The following NRG2 variants were observed in gnomAD, a reference collection of about 807,000 sequenced individuals.
NRG2 encodes the protein neuregulin 2.
Under a neutral mutation model 73.9 loss-of-function variants are expected in NRG2, and 27 were observed. The ratio of observed to expected loss-of-function variants is 0.37; its 90% confidence interval spans 0.27 to 0.50. The LOEUF (loss-of-function observed/expected upper bound fraction) is 0.50, where lower values mean the gene tolerates loss of function less well. Among genes scored for constraint, NRG2 ranks in the 20% least tolerant of loss-of-function variants. NRG2 has a pLI of 0.96. For missense variants in NRG2, 1,126 were observed against 1,210.1 expected, an observed-to-expected ratio of 0.93 and a Z score of 1.03; for synonymous variants, 532 against 541.0, an observed-to-expected ratio of 0.98 and a Z score of 0.23.
At chr5:139,948,837 T>C (rs1753985514) in intron 1 of NRG2, among the ~76,000 whole-genome samples, 1 of 152,274 alleles carries the variant, frequency 6.6e-6, no homozygotes, top group African/African-American at 2.4e-5. Flanking sequence ...TGGTAGAATC[T>C]GAGAAGTGTT....
chr5:139,878,462 C>T (rs1763322376), intron 3 of NRG2, among the ~76,000 whole-genome samples: 1 of 152,170 alleles, frequency 6.6e-6, no homozygotes, highest in Non-Finnish European at 1.5e-5. Context: ...CTTCCCACCC[C>T]ACTCCCCAAA....
intron 1 of NRG2, among the ~76,000 whole-genome samples, chr5:140,030,389 T>C (rs781107791): frequency 5.3e-5 from 8 of 152,152 alleles, no homozygotes; most frequent in Non-Finnish European, 1.2e-4. Context: ...TTTACCTCTG[T>C]ACGACAAGCT....
chr5:139,857,689 G>A (rs1057452574), intron 5 of NRG2, among the ~76,000 whole-genome samples: 2 of 151,950 alleles, frequency 1.3e-5, no homozygotes, highest in African/African-American at 2.4e-5. Flanking sequence ...CAAGGGCCAC[G>A]ACCAAAGAGA....
At chr5:139,933,504 G>A (rs966198481) in intron 1 of NRG2, among the ~76,000 whole-genome samples, 1 of 152,104 alleles carries the variant, frequency 6.6e-6, no homozygotes, top group Non-Finnish European at 1.5e-5. Context: ...TAGAATCAAA[G>A]AAATTTAATA....
At chr5:140,006,069 GCA>G (rs1381379192) in intron 1 of NRG2, among the ~76,000 whole-genome samples, 5 of 152,184 alleles carry the variant, frequency 3.3e-5, no homozygotes, top group Non-Finnish European at 7.4e-5. Context: ...CATTCCTGGG[GCA>G]AAAGAAAGCA....
intron 1 of NRG2, among the ~76,000 whole-genome samples, chr5:139,964,713 T>C (rs1351446729): frequency 6.6e-6 from 1 of 152,206 alleles, no homozygotes; most frequent in Non-Finnish European, 1.5e-5. Flanking sequence ...GGGCCTCTAC[T>C]TCTTGGCTTC....
chr5:140,009,072 C>T (rs1232071385), intron 1 of NRG2, among the ~76,000 whole-genome samples: 2 of 152,236 alleles, frequency 1.3e-5, no homozygotes, highest in Non-Finnish European at 2.9e-5. Flanking sequence ...TGATCCTATG[C>T]TTTCCCTAAA....
intron 1 of NRG2, among the ~76,000 whole-genome samples, chr5:139,906,344 C>T (rs748190849): frequency 6.6e-6 from 1 of 152,054 alleles, no homozygotes; most frequent in Non-Finnish European, 1.5e-5. Context: ...GATCACTTCA[C>T]TCATTGTAAC....
At chr5:139,949,822 A>C (rs1754060261) in intron 1 of NRG2, among the ~76,000 whole-genome samples, 1 of 152,210 alleles carries the variant, frequency 6.6e-6, no homozygotes, top group African/African-American at 2.4e-5. Context: ...CCCCTAGACA[A>C]GTCCTGCTCA....
chr5:139,981,571 C>T (rs1017978916), intron 1 of NRG2, among the ~76,000 whole-genome samples: 3 of 152,220 alleles, frequency 2.0e-5, no homozygotes, highest in Non-Finnish European at 2.9e-5. Flanking sequence ...GGCTGAGGCT[C>T]TGGTTCTATC....
chr5:139,972,213 G>T (rs913036546), intron 1 of NRG2, among the ~76,000 whole-genome samples: 3 of 152,074 alleles, frequency 2.0e-5, no homozygotes, highest in Non-Finnish European at 4.4e-5. Flanking sequence ...GGAATAACAA[G>T]TTAACTAAAA....
chr5:139,992,509 C>T (rs1195787114), intron 1 of NRG2, among the ~76,000 whole-genome samples: 1 of 152,010 alleles, frequency 6.6e-6, no homozygotes, highest in East Asian at 1.9e-4. Context: ...ATAGGGGGAC[C>T]TTTGTTTCAT....
intron 1 of NRG2, among the ~76,000 whole-genome samples, chr5:140,006,771 C>T (rs1758935913): frequency 6.6e-6 from 1 of 152,044 alleles, no homozygotes; most frequent in African/African-American, 2.4e-5. Flanking sequence ...GCCAACAGAT[C>T]CTTTAAATTT....
At position 139,848,018 on chromosome 5, in the gene NRG2, T is replaced by C. The variant is rs750618245; in HGVS notation, c.2452A>G (p.Ser818Gly). ...DSPPLCPAAD[S>G]RTYYSLDSHS... ...CTGTCCAGTGAGTAGTAAGTCCTGC[T>C]GTCGGCCGCCGGGCACAGTGGCGGC... The change falls in exon 10 of 10, where the codon AGC becomes GGC. Residue 818 changes from serine to glycine, a missense_variant. Physicochemically the swap from Ser to Gly is moderately conservative, Grantham distance 56 (BLOSUM62 0). Around this residue, in one of 3 missense-constraint regions of NRG2, gnomAD observed 402 missense variants for 357.8 expected, o/e 1.12. Coordinates refer to ENST00000361474, the MANE Select transcript of NRG2 (RefSeq NM_004883.3). 9 of 1,512,160 alleles carry C rather than the reference T, an allele frequency of 6.0e-6. 1 individual carries two copies. The South Asian group carries it at 7.4e-5, about 12-fold the overall frequency. The allele number at this position is 1,512,160 out of a possible 1,614,324, so 93.7% of individuals were successfully genotyped here. A position where few individuals can be genotyped will look rare whatever the true frequency, so the allele number is the denominator to read the frequency against.
At chr5:140,030,459 G>C (rs1393336379) in intron 1 of NRG2, among the ~76,000 whole-genome samples, 2 of 152,216 alleles carry the variant, frequency 1.3e-5, no homozygotes, top group African/African-American at 4.8e-5. Flanking sequence ...CACAGGAGAA[G>C]CGCAAAGCCC....
chr5:140,016,273 C>CT (rs1444185438), intron 1 of NRG2, among the ~76,000 whole-genome samples: 1 of 152,196 alleles, frequency 6.6e-6, no homozygotes, highest in African/African-American at 2.4e-5. Context: ...ATTCTATAAC[C>CT]TTGGGGCAAA....
intron 1 of NRG2, among the ~76,000 whole-genome samples, chr5:139,942,495 G>A (rs13183915): frequency 0.14 from 21,772 of 152,030 alleles, 1,684 homozygotes; most frequent in South Asian, 0.25. Context: ...ATTCTCATCC[G>A]TAGTTATTCT....
At chr5:139,934,053 G>T (rs1374574602) in intron 1 of NRG2, among the ~76,000 whole-genome samples, 1 of 152,100 alleles carries the variant, frequency 6.6e-6, no homozygotes, top group African/African-American at 2.4e-5. Flanking sequence ...ACAAAAATTA[G>T]CTGGGCATGG....
chr5:139,961,180 A>C (rs1755029643), intron 1 of NRG2, among the ~76,000 whole-genome samples: 1 of 152,068 alleles, frequency 6.6e-6, no homozygotes, highest in Admixed American at 6.5e-5. Context: ...GGGTTTCGGG[A>C]GGGTTGATTG....
Sources: allele counts gnomAD v4.1 joint callset (sites outside exome capture counted in the v4.1 genomes callset), GRCh38; gene constraint gnomAD v4.1.1; regional missense constraint gnomAD v4.1.1; transcripts MANE v1.5; gene names NCBI Gene and HGNC (gene_info 2026-07-23, HGNC 2026-07-21).